NIPAL4: variants seen among roughly 807,000 people sequenced by gnomAD.
NIPAL4 encodes NIPA like domain containing 4, also known as magnesium transporter NIPA4.
In NIPAL4, 21 loss-of-function variants were observed where a neutral mutation model predicts 31.6. That is an observed-to-expected ratio of 0.67 (90% confidence interval 0.47 to 0.96). NIPAL4 has a LOEUF of 0.96. NIPAL4 is among the 40% of genes least tolerant of loss of function. NIPAL4 has a pLI of 0.00. For synonymous variants in NIPAL4, 175 were observed against 211.1 expected (o/e 0.83, Z 1.48); for missense variants, 438 against 508.0 (o/e 0.86, Z 1.32).
intron 1 of NIPAL4, among the ~76,000 whole-genome samples, chr5:157,461,522 C>G (rs1754107648): frequency 6.6e-6 from 1 of 152,206 alleles, no homozygotes; most frequent in African/African-American, 2.4e-5. Context: ...GAGTCACCTC[C>G]CCTAGCCCAT....
In NIPAL4 at chr5:157,470,526, G is replaced by A. The variant is rs1183916677; in HGVS notation, c.426-1131G>A. Among the ~76,000 whole-genome samples the A allele has an allele frequency of 2.0e-5, 3 of 152,212 alleles. No individual in the cohort carries two copies. In the East Asian group the frequency reaches 5.8e-4, roughly 29 times the overall value. ...TCAGTCTTCTCATTTATCAACTGGA[G>A]ATAGTATATTTCACTTTGCAAAGAG... On this transcript the variant is annotated intron_variant, in intron 4 of 5. Transcript: ENST00000311946.
intron 2 of NIPAL4, among the ~76,000 whole-genome samples, chr5:157,466,826 A>G (rs1201869681): frequency 6.6e-6 from 1 of 152,222 alleles, no homozygotes; most frequent in Non-Finnish European, 1.5e-5. Context: ...GCAGTTGGAT[A>G]TACACCTGGA....
chr5:157,472,956 CCTGAAG>C lies in NIPAL4; in HGVS notation c.1214_*4del. The C allele has an allele frequency of 6.6e-7, 1 of 1,512,040 alleles. No individual in the cohort carries two copies. The highest frequency in any genetic ancestry group is 8.8e-7 in the Non-Finnish European group (1 of 1,132,706). The allele number at this position is 1,512,040 out of a possible 1,614,324, so 93.7% of individuals were successfully genotyped here. ...AAACCCAAAGTATTTATAATCCATT[CCTGAAG>C]CTTGGAATATGTGAGTGAGAGGATG... On this transcript the variant is annotated stop_lost and 3_prime_UTR_variant, in exon 6 of 6. Transcript: ENST00000311946.
At position 157,473,793 on chromosome 5, in the gene NIPAL4, A is replaced by T. The variant is rs1754508840; in HGVS notation, c.*833A>T. 6.6e-6 allele frequency: 1 copy of T among 152,232 alleles called. No homozygotes were observed. Among genetic ancestry groups the T allele is most frequent in the African/African-American group, 2.4e-5 (1 of 41,460 alleles). 9.4% of individuals were successfully genotyped at this position (152,232 alleles called of 1,614,324 possible). A position where few individuals can be genotyped will look rare whatever the true frequency, so the allele number is the denominator to read the frequency against. On this transcript the variant is annotated 3_prime_UTR_variant, in exon 6 of 6. Transcript: ENST00000311946. ...CAAACCCAGTGTTGCATTTTGTCTT[A>T]CTCTGAAAGAAGAACAGCAAATTCA...
intron 3 of NIPAL4, 185 bp downstream of exon 3, chr5:157,467,290 C>T: frequency 1.7e-6 from 1 of 598,116 alleles, no homozygotes; most frequent in East Asian, 3.1e-5. Context: ...CAGTCTTCAT[C>T]CATGAAGCGT....
intron 2 of NIPAL4, among the ~76,000 whole-genome samples, chr5:157,463,798 C>G (rs891907426): frequency 2.0e-5 from 3 of 152,178 alleles, no homozygotes; most frequent in African/African-American, 7.2e-5. Flanking sequence ...AAATGGTGAA[C>G]TGTCTGACCC....
chr5:157,465,422 A>G (rs1754244320), intron 2 of NIPAL4, among the ~76,000 whole-genome samples: 1 of 152,230 alleles, frequency 6.6e-6, no homozygotes, highest in African/African-American at 2.4e-5. Flanking sequence ...TAATGAAAAT[A>G]GGACACCTCT....
intron 2 of NIPAL4, 32 bp downstream of exon 2, chr5:157,463,365 C>A (rs910274219): frequency 6.4e-7 from 1 of 1,572,590 alleles, no homozygotes. Flanking sequence ...GGATAGGGCC[C>A]AGGGCAGCTG....
rs563956958 is a variant in NIPAL4 at position 157,472,340 on chromosome 5, G to A, written c.595G>A (p.Val199Met). Reference protein sequence around the residue: ...ASKMKDTGFIVFAVLLLVSCL... With the variant: ...ASKMKDTGFIMFAVLLLVSCL... ...TCTCTCTCCTCCCAAAGGGTTCATC[G>A]TGTTTGCTGTGCTTCTGCTGGTGTC... Residue 199 changes from valine (V) to methionine (M), a missense_variant, in exon 6 of 6, where the codon GTG becomes ATG. Transcript: ENST00000311946. 2.1e-5 allele frequency: 34 copies of A among 1,601,884 alleles called. No individual in the cohort carries two copies. The highest frequency in any genetic ancestry group is 4.4e-5 in the South Asian group (4 of 90,884).
chr5:157,471,878 C>T (rs79435800), intron 5 of NIPAL4, 61 bp downstream of exon 5: 51,111 of 1,343,872 alleles, frequency 0.038, 1,182 homozygotes, highest in Non-Finnish European at 0.044. Context: ...CCTACTACCC[C>T]ACAAAAGGTC....
intron 2 of NIPAL4, 40 bp from the exon 3 acceptor site, chr5:157,467,009 G>T (rs1391761028): frequency 1.3e-6 from 2 of 1,527,208 alleles, no homozygotes; most frequent in Middle Eastern, 1.7e-4. Context: ...AGAAAGTGTG[G>T]CCAAGTTCCA....
At chr5:157,472,294 T>C (rs1274215598) in intron 5 of NIPAL4, 38 bp from the exon 6 acceptor site, 1 of 1,566,942 alleles carries the variant, frequency 6.4e-7, no homozygotes, top group South Asian at 1.2e-5. Context: ...GCCTGCACCC[T>C]CCACAGCCAA....
intron 3 of NIPAL4, chr5:157,467,866 C>T (rs1388725927): frequency 6.6e-6 from 1 of 152,062 alleles, no homozygotes; most frequent in Non-Finnish European, 1.5e-5. Context: ...AACTTAGGCC[C>T]CTTGGGAATG....
At chr5:157,463,981 A>G (rs1428815223) in intron 2 of NIPAL4, among the ~76,000 whole-genome samples, 1 of 152,096 alleles carries the variant, frequency 6.6e-6, no homozygotes, top group Non-Finnish European at 1.5e-5. Context: ...CCTTCAGTCA[A>G]GTGGAAGAGA....
chr5:157,460,226 C>T lies in NIPAL4; in HGVS notation c.-95C>T, dbSNP rs749046584. 2.0e-6 allele frequency: 3 copies of T among 1,497,334 alleles called. No homozygotes were observed. The highest frequency in any genetic ancestry group is 2.7e-6 in the Non-Finnish European group (3 of 1,126,682). 92.8% of individuals were successfully genotyped at this position (1,497,334 alleles called of 1,614,324 possible). ...CCGGACCCCGGCGGCTTCTCGCGCG[C>T]GAGCCACGCGGGGGACAAGTCGCGG... On this transcript the variant is annotated 5_prime_UTR_variant, in exon 1 of 6. Transcript: ENST00000311946.
In NIPAL4 at chr5:157,471,688, AG is replaced by A; in HGVS notation, c.458del (p.Ser153IlefsTer2). On this transcript the variant is annotated frameshift_variant, in exon 5 of 6. Transcript: ENST00000311946. LOFTEE classifies it high-confidence loss of function. ...AILSSYFLRE[S>X]LNLLGKLGCV... ...CCTCTCCTCATATTTCCTGAGGGAG[AG>A]TCTGAACCTGCTGGGGAAGCTGGGC... 1.2e-6 allele frequency: 2 copies of A among 1,608,188 alleles called. No homozygotes were observed. The highest frequency in any genetic ancestry group is 1.7e-6 in the Non-Finnish European group (2 of 1,177,368).
rs1160465602 is a variant in NIPAL4 at position 157,463,305 on chromosome 5, A to G, written c.249A>G (p.Arg83=). The change falls in exon 2 of 6, where the codon CGA becomes CGG. Residue 83 remains arginine (R), a synonymous_variant. Transcript: ENST00000311946. The part of the protein sequence containing the change: ...SVILKKKGLL[R]LVATGATRAV... ...TCCTCAAGAAGAAAGGCCTCTTGCG[A>G]CTCGTGGCCACGGGAGCCACTCGAG... 2 of 1,611,308 alleles carry G rather than the reference A, an allele frequency of 1.2e-6. No homozygotes were observed. The highest frequency in any genetic ancestry group is 2.2e-5 in the South Asian group (2 of 90,984).
In NIPAL4 at chr5:157,473,143, A is replaced by C; in HGVS notation, c.*183A>C. ...TTTACCCAAATAGCAATGGTGGCAG[A>C]ACTTCCTGGAAACAGATTCAGTGAC... On this transcript the variant is annotated 3_prime_UTR_variant, in exon 6 of 6. Transcript: ENST00000311946. 2.0e-6 allele frequency: 1 copy of C among 496,270 alleles called. No individual in the cohort carries two copies. Among genetic ancestry groups the C allele is most frequent in the Non-Finnish European group, 3.4e-6 (1 of 292,442 alleles). The allele number at this position is 496,270 out of a possible 1,614,324, so 30.7% of individuals were successfully genotyped here. A position where few individuals can be genotyped will look rare whatever the true frequency, so the allele number is the denominator to read the frequency against.
chr5:157,470,852 T>G (rs1228053971), intron 4 of NIPAL4, among the ~76,000 whole-genome samples: 1 of 152,216 alleles, frequency 6.6e-6, no homozygotes, highest in Non-Finnish European at 1.5e-5. Context: ...AGCCATCTGT[T>G]GGCAGTGCTA....
Sources: allele counts gnomAD v4.1 joint callset (sites outside exome capture counted in the v4.1 genomes callset), GRCh38; gene constraint gnomAD v4.1.1; transcripts MANE v1.5; gene names NCBI Gene and HGNC (gene_info 2026-07-23, HGNC 2026-07-21).